The following ARHGAP8 variants were observed in gnomAD, a reference collection of about 807,000 sequenced individuals.
The protein encoded by ARHGAP8 is rho GTPase-activating protein 8.
ARHGAP8 carries 62 observed loss-of-function variants against 46.1 expected under a neutral mutation model. The observed-to-expected ratio is 1.34, with a 90% CI of 1.10 to 1.66. The LOEUF (loss-of-function observed/expected upper bound fraction) is 1.66, where lower values mean the gene tolerates loss of function less well. Ranked by LOEUF, ARHGAP8 falls within the 40% of genes most tolerant of loss-of-function variation. The pLI, the probability that ARHGAP8 is intolerant of heterozygous loss-of-function variation, is 0.00. For synonymous variants in ARHGAP8, 375 were observed against 243.1 expected, an observed-to-expected ratio of 1.54 and a Z score of -5.05; for missense variants, 923 against 568.4, an observed-to-expected ratio of 1.62 and a Z score of -6.34.
intron 7 of ARHGAP8, among the ~76,000 whole-genome samples, chr22:44,842,537 C>G (rs1000603434): frequency 6.6e-6 from 1 of 152,150 alleles, no homozygotes; most frequent in Non-Finnish European, 1.5e-5. Context: ...AGCCTGAAGC[C>G]GGGGGTCACA....
At chr22:44,755,701 A>T (rs898296152) in intron 1 of ARHGAP8, among the ~76,000 whole-genome samples, 3 of 152,150 alleles carry the variant, frequency 2.0e-5, no homozygotes, top group African/African-American at 7.2e-5. Context: ...CTCTCTCTCC[A>T]AGTTAGGTCT....
At chr22:44,861,255 G>A (rs2070467747) in intron 11 of ARHGAP8, among the ~76,000 whole-genome samples, 1 of 152,184 alleles carries the variant, frequency 6.6e-6, no homozygotes, top group Non-Finnish European at 1.5e-5. Context: ...TTACAGGTGT[G>A]AGCCACTGCA....
At chr22:44,805,874 A>T (rs1369945616) in intron 3 of ARHGAP8, among the ~76,000 whole-genome samples, 1 of 152,200 alleles carries the variant, frequency 6.6e-6, no homozygotes, top group Non-Finnish European at 1.5e-5. Flanking sequence ...GGGTGAAGAA[A>T]CAAGTCTATG....
At position 44,862,269 on chromosome 22, in the gene ARHGAP8, C is replaced by A. The variant is rs192944869; in HGVS notation, c.982-6C>A. 1 of 1,583,290 alleles carries A rather than the reference C, an allele frequency of 6.3e-7. No homozygotes were observed. Among genetic ancestry groups the A allele is most frequent in the Non-Finnish European group, 8.6e-7 (1 of 1,160,046 alleles). ...CTCCCCTTTACTTGTGTGTGGTTTC[C>A]TCCAGGTGTCCCGGGAGAGCATCTT... On this transcript the variant is annotated splice_region_variant and splice_polypyrimidine_tract_variant and intron_variant, in intron 11 of 11. Transcript: ENST00000356099.
chr22:44,757,213 G>T (rs1423236038), intron 1 of ARHGAP8, among the ~76,000 whole-genome samples: 2 of 152,056 alleles, frequency 1.3e-5, no homozygotes, highest in African/African-American at 4.8e-5. Flanking sequence ...ACTGTGCCCG[G>T]CAGCAACAAG....
At chr22:44,784,799 C>T (rs1430791182) in intron 1 of ARHGAP8, among the ~76,000 whole-genome samples, 1 of 152,238 alleles carries the variant, frequency 6.6e-6, no homozygotes, top group African/African-American at 2.4e-5. Context: ...GGGGCTTTGC[C>T]TGTGTGGCTG....
At chr22:44,828,909 G>C (rs552301011) in intron 7 of ARHGAP8, among the ~76,000 whole-genome samples, 1 of 151,880 alleles carries the variant, frequency 6.6e-6, no homozygotes, top group African/African-American at 2.4e-5. Context: ...TTCCAGCCAC[G>C]CCTTTCTCGT....
chr22:44,859,057 G>A (rs1284332240), intron 10 of ARHGAP8, among the ~76,000 whole-genome samples: 3 of 151,244 alleles, frequency 2.0e-5, no homozygotes, highest in Non-Finnish European at 4.4e-5. Context: ...CTAAGCCATG[G>A]GCCGTAGTTT....
intron 10 of ARHGAP8, among the ~76,000 whole-genome samples, chr22:44,851,917 G>A (rs2070104164): frequency 6.6e-6 from 1 of 151,936 alleles, no homozygotes; most frequent in Non-Finnish European, 1.5e-5. Flanking sequence ...TGGGCCGGGT[G>A]CAGTGGCTCA....
At chr22:44,838,965 A>C (rs1268554457) in intron 7 of ARHGAP8, among the ~76,000 whole-genome samples, 1 of 152,148 alleles carries the variant, frequency 6.6e-6, no homozygotes, top group Non-Finnish European at 1.5e-5. Context: ...CTGCTTTCCA[A>C]ATGGAGAAAC....
chr22:44,809,969 T>C (rs986757785), intron 4 of ARHGAP8, among the ~76,000 whole-genome samples: 7 of 152,160 alleles, frequency 4.6e-5, no homozygotes, highest in African/African-American at 9.7e-5. Context: ...AGGGAAAGAA[T>C]TGTTGCTGTA....
intron 7 of ARHGAP8, among the ~76,000 whole-genome samples, chr22:44,827,895 G>A (rs1285293089): frequency 2.0e-5 from 3 of 152,158 alleles, no homozygotes; most frequent in African/African-American, 4.8e-5. Context: ...GTGCCCCAGC[G>A]TCGGTCCCTA....
rs148162583 is a variant in ARHGAP8, at chr22:44,808,431, G to C, written c.292G>C (p.Asp98His). ...GWLQSAYKEF[D>H]RKYKKNLKAL... ...GCTCCAGAGCGCATACAAGGAGTTC[G>C]ATAGGAAGTACGTGCCCGCAAGCCT... The change falls in exon 4 of 12, where the codon GAT becomes CAT. Residue 98 changes from aspartate (D) to histidine (H), a missense_variant. By Grantham distance (81) the Asp-to-His change is moderately conservative. Coordinates refer to ENST00000356099, the MANE Select transcript of ARHGAP8 (RefSeq NM_181335.3). 1.0e-4 allele frequency: 162 copies of C among 1,614,058 alleles called. No individual in the cohort carries two copies. In the African/African-American group the frequency reaches 1.8e-3, roughly 18 times the overall value.
In ARHGAP8 at chr22:44,832,574, A is replaced by G. The variant is rs1466923557; in HGVS notation, c.596+6981A>G. Among the ~76,000 whole-genome samples the G allele has an allele frequency of 2.0e-5, 3 of 152,174 alleles. No homozygotes were observed. In the East Asian group the frequency reaches 5.8e-4, roughly 29 times the overall value. On this transcript the variant is annotated intron_variant, in intron 7 of 11. Transcript: ENST00000356099. ...TTTTTGTTACTGATTGCTAGGTTCT[A>G]GAAATACATTTTTTAAATATGTTGA... is the stretch of plus-strand genomic sequence containing the variant.
At chr22:44,861,582 C>G (rs569759820) in intron 11 of ARHGAP8, among the ~76,000 whole-genome samples, 2 of 152,186 alleles carry the variant, frequency 1.3e-5, no homozygotes, top group African/African-American at 2.4e-5. Flanking sequence ...TGGTACTCAC[C>G]GCCTCATGAC....
chr22:44,781,547 G>A (rs1926845962), intron 1 of ARHGAP8, among the ~76,000 whole-genome samples: 1 of 152,182 alleles, frequency 6.6e-6, no homozygotes, highest in South Asian at 2.1e-4. Flanking sequence ...TTTTGAGACA[G>A]AGTTTCACTC....
At chr22:44,787,209 T>C (rs546223546) in intron 2 of ARHGAP8, among the ~76,000 whole-genome samples, 24 of 152,324 alleles carry the variant, frequency 1.6e-4, no homozygotes, top group African/African-American at 5.5e-4. Context: ...TGAATTGTTT[T>C]ATTAATCAAG....
rs1416906487 is a variant in ARHGAP8 at position 44,859,792 on chromosome 22, C to G, written c.939C>G (p.His313Gln). 1 of 1,614,110 alleles carries G rather than the reference C, an allele frequency of 6.2e-7. No homozygotes were observed. The highest frequency in any genetic ancestry group is 1.1e-5 in the South Asian group (1 of 91,084). Reference protein sequence around the residue: ...CRQILRSLPEHNYVVLRYLMG... With the variant: ...CRQILRSLPEQNYVVLRYLMG... ...AGATCTTACGGAGCCTCCCAGAGCA[C>G]AACTACGTCGTCCTCCGCTACCTCA... Residue 313 changes from histidine (H) to glutamine (Q), a missense_variant, in exon 11 of 12, where the codon CAC (histidine) becomes CAG (glutamine). His to Gln is a conservative substitution (Grantham distance 24). Coordinates refer to ENST00000356099, the MANE Select transcript of ARHGAP8 (RefSeq NM_181335.3).
intron 2 of ARHGAP8, among the ~76,000 whole-genome samples, chr22:44,788,566 A>G (rs5766019): frequency 0.44 from 64,906 of 146,752 alleles, 14,244 homozygotes; most frequent in East Asian, 0.57. Context: ...GCTAATTTTT[A>G]TATCTTTAGT....
Sources: gnomAD v4.1 joint callset for allele counts (sites outside exome capture counted in the v4.1 genomes callset) on GRCh38, gnomAD v4.1.1 for gene constraint, MANE v1.5 for transcripts, NCBI Gene and HGNC (gene_info 2026-07-23, HGNC 2026-07-21) for gene names.